The following USP39 variants were observed in gnomAD, a reference collection of about 807,000 sequenced individuals.
USP39 encodes the protein ubiquitin carboxyl-terminal hydrolase 39.
USP39 carries 38 observed loss-of-function variants against 66.4 expected under a neutral mutation model. That is an observed-to-expected ratio of 0.57 (90% CI 0.44 to 0.75). USP39 has a LOEUF of 0.75. Ranked by LOEUF, USP39 falls within the 30% of genes least tolerant of loss-of-function variation. The pLI, the probability that USP39 is intolerant of heterozygous loss-of-function variation, is 0.00. For missense variants in USP39, 608 were observed against 714.4 expected, an observed-to-expected ratio of 0.85 and a Z score of 1.70; for synonymous variants, 303 against 274.6, an observed-to-expected ratio of 1.10 and a Z score of -1.02.
chr2:85,648,406 C>T (rs555236549), intron 12 of USP39, among the ~76,000 whole-genome samples: 1 of 152,100 alleles, frequency 6.6e-6, no homozygotes. Flanking sequence ...TTCTACTTGA[C>T]GTTTGTTTTA....
intron 3 of USP39, among the ~76,000 whole-genome samples, 173 bp downstream of exon 3, chr2:85,621,752 A>G (rs1244851200): frequency 1.3e-5 from 2 of 152,064 alleles, no homozygotes; most frequent in Non-Finnish European, 2.9e-5. Context: ...CAGAACCTGG[A>G]TATGTCTGTA....
intron 8 of USP39, among the ~76,000 whole-genome samples, chr2:85,638,881 C>T (rs1300309924): frequency 6.6e-6 from 1 of 151,620 alleles, no homozygotes; most frequent in Non-Finnish European, 1.5e-5. Context: ...CTGTGTTGCC[C>T]AGGCTGGTCT....
chr2:85,624,692 G>A (rs1246850827), intron 4 of USP39, among the ~76,000 whole-genome samples: 1 of 152,108 alleles, frequency 6.6e-6, no homozygotes, highest in Admixed American at 6.6e-5. Flanking sequence ...GGCTTGGTGG[G>A]GAGGCCCACA....
At position 85,645,064 on chromosome 2, in the gene USP39, G is replaced by A. The variant is rs749981625; in HGVS notation, c.1544G>A (p.Arg515Gln). 9.9e-6 allele frequency: 16 copies of A among 1,613,964 alleles called. No homozygotes were observed. Among genetic ancestry groups the A allele is most frequent in the Non-Finnish European group, 1.4e-5 (16 of 1,180,016 alleles). Residue 515 changes from arginine to glutamine, a missense_variant, in exon 11 of 13, where the codon CGG becomes CAG. Arg to Gln is a conservative substitution (Grantham distance 43, BLOSUM62 1). Coordinates refer to ENST00000323701, the MANE Select transcript of USP39 (RefSeq NM_006590.4). ...HDGKPSEGSY[R>Q]IHVLHHGTGK... ...GGCAAGCCCTCCGAGGGCTCCTACC[G>A]GATCCACGTGCTTCATCATGTGAGT...
Position 85,637,488 on chromosome 2 carries a change from G to A in USP39, c.1095+52G>A, listed in dbSNP as rs367833906. 7.5e-4 allele frequency: 1,182 copies of A among 1,583,016 alleles called. 12 individuals carry two copies. The South Asian group carries it at 0.012, about 16-fold the overall frequency. ...ACTGATTCATATTGCTTGAGGGGAC[G>A]TAGGGGAGATGAAGAGATGCTCAGA... On this transcript the variant is annotated intron_variant, in intron 8 of 12. Coordinates refer to ENST00000323701, the MANE Select transcript of USP39 (RefSeq NM_006590.4).
chr2:85,616,105 G>C (rs929460414), upstream of USP39: 1 of 1,361,972 alleles, frequency 7.3e-7, no homozygotes, highest in Non-Finnish European at 9.5e-7. Context: ...GAGAGTTCGG[G>C]GCTCGCTACC....
rs1287521566 is a variant in USP39, at chr2:85,639,488, CTT to C, written c.1284+98_1284+99del. 1.1e-5 allele frequency: 14 copies of C among 1,320,668 alleles called. No homozygotes were observed. The East Asian group carries it at 2.8e-4, about 26-fold the overall frequency. 81.8% of individuals were successfully genotyped at this position (1,320,668 alleles called of 1,614,324 possible). A position where few individuals can be genotyped will look rare whatever the true frequency, so the allele number is the denominator to read the frequency against. On this transcript the variant is annotated intron_variant, in intron 9 of 12. Transcript: ENST00000323701. ...TTTTTTTTCAAGACAGAGTTTTGCT[CTT>C]GTCGCCCAGGCTGGAGTGCAGTGGC...
At chr2:85,643,003 G>A (rs1676358562) in intron 10 of USP39, among the ~76,000 whole-genome samples, 2 of 151,598 alleles carry the variant, frequency 1.3e-5, no homozygotes, top group South Asian at 2.1e-4. Context: ...TTGGGAGGCC[G>A]AGGTGGGAGA....
intron 9 of USP39, chr2:85,639,866 A>T (rs932921587): frequency 6.6e-6 from 1 of 152,614 alleles, no homozygotes; most frequent in African/African-American, 2.4e-5. Context: ...CCCAACTCTT[A>T]ACTTATAGTG....
chr2:85,631,021 A>ATT, intron 6 of USP39, 75 bp downstream of exon 6: 59 of 1,229,782 alleles, frequency 4.8e-5, no homozygotes, highest in South Asian at 6.5e-5. Flanking sequence ...TTGGCAGTGA[A>ATT]TTTTTTTTTT....
At chr2:85,619,796 A>C (rs1674313328) in intron 2 of USP39, among the ~76,000 whole-genome samples, 1 of 152,022 alleles carries the variant, frequency 6.6e-6, no homozygotes, top group Non-Finnish European at 1.5e-5. Flanking sequence ...TTGGCAGGCC[A>C]AGGCAGGAGG....
chr2:85,621,992 G>A (rs566404720), intron 3 of USP39, among the ~76,000 whole-genome samples: 28 of 152,044 alleles, frequency 1.8e-4, no homozygotes, highest in Non-Finnish European at 2.8e-4. Flanking sequence ...GCTAATTTTT[G>A]TATTTTTAGT....
At chr2:85,630,246 A>G (rs973656056) in intron 5 of USP39, among the ~76,000 whole-genome samples, 4 of 152,168 alleles carry the variant, frequency 2.6e-5, no homozygotes, top group Non-Finnish European at 4.4e-5. Context: ...TCACATTTTA[A>G]GATAATTTTC....
At chr2:85,609,617 AG>A (rs762843845), upstream of USP39, 63 of 1,612,536 alleles carry the variant, frequency 3.9e-5, no homozygotes, top group Non-Finnish European at 4.7e-5. Context: ...AAGAAAGAAG[AG>A]GGGGGGTGCT....
intron 5 of USP39, among the ~76,000 whole-genome samples, chr2:85,629,125 G>A (rs528061123): frequency 2.1e-4 from 32 of 151,990 alleles, no homozygotes; most frequent in Admixed American, 1.8e-3. Flanking sequence ...GTGCAATGGC[G>A]CGATCTTGGC....
chr2:85,622,722 A>G (rs1402646652), intron 3 of USP39, among the ~76,000 whole-genome samples: 1 of 150,162 alleles, frequency 6.7e-6, no homozygotes, highest in Non-Finnish European at 1.5e-5. Flanking sequence ...AGCAGATGCC[A>G]TGTACATAGT....
Position 85,630,924 on chromosome 2 carries a change from G to A in USP39, c.927G>A (p.Lys309=), listed in dbSNP as rs768773243. The A allele has an allele frequency of 6.2e-7, 1 of 1,614,094 alleles. No homozygotes were observed. Among genetic ancestry groups the A allele is most frequent in the South Asian group, 1.1e-5 (1 of 91,068 alleles). The change falls in exon 6 of 13, where the codon AAG becomes AAA. Residue 309 remains lysine, a synonymous_variant. Transcript: ENST00000323701. ...AGGCAGTTGTACTTTGCAGTAAGAA[G>A]ACTTTTCAGATCACCAAACAAGGTA... ...MLQAVVLCSK[K]TFQITKQGDG...
chr2:85,611,354 G>A (rs1673514162), upstream of USP39: 1 of 1,442,182 alleles, frequency 6.9e-7, no homozygotes, highest in Non-Finnish European at 9.1e-7. Flanking sequence ...GTCGCTCATC[G>A]CTGTGCCAGA....
At chr2:85,614,301 G>A (rs1416270372), upstream of USP39, among the ~76,000 whole-genome samples, 1 of 152,104 alleles carries the variant, frequency 6.6e-6, no homozygotes, top group Non-Finnish European at 1.5e-5. Context: ...ATCACTTGAG[G>A]TCAGCACTTC....
Sources: allele counts gnomAD v4.1 joint callset (sites outside exome capture counted in the v4.1 genomes callset), GRCh38; gene constraint gnomAD v4.1.1; transcripts MANE v1.5; gene names NCBI Gene and HGNC (gene_info 2026-07-23, HGNC 2026-07-21).